Variants in CTNNA3 observed in about 807,000 individuals in gnomAD.
CTNNA3 encodes catenin alpha-3.
Under a neutral mutation model 95.7 loss-of-function variants are expected in CTNNA3, and 76 were observed. The observed-to-expected ratio is 0.79, with a 90% CI of 0.66 to 0.96. The LOEUF (loss-of-function observed/expected upper bound fraction) is 0.96, where lower values mean the gene tolerates loss of function less well. CTNNA3 is among the 40% of genes least tolerant of loss of function. The pLI is 0.00. For missense variants in CTNNA3, 1,191 were observed against 1,089.8 expected (o/e 1.09, Z -1.31); for synonymous variants, 431 against 374.4 (o/e 1.15, Z -1.74).
intron 5 of CTNNA3, among the ~76,000 whole-genome samples, chr10:67,253,670 C>T (rs1056567502): frequency 2.0e-5 from 3 of 152,104 alleles, no homozygotes; most frequent in Admixed American, 6.6e-5. Context: ...AGGAGGTAAC[C>T]GGCAATGCCA....
intron 13 of CTNNA3, among the ~76,000 whole-genome samples, chr10:66,166,818 G>A (rs1444328057): frequency 6.6e-6 from 1 of 152,212 alleles, no homozygotes; most frequent in East Asian, 1.9e-4. Context: ...TAGTATGATG[G>A]CAGAAAAAGA....
At chr10:67,720,679 C>T (rs1012173835) in intron 1 of CTNNA3, among the ~76,000 whole-genome samples, 2 of 151,988 alleles carry the variant, frequency 1.3e-5, no homozygotes, top group African/African-American at 4.8e-5. Flanking sequence ...GTTAGCTGGG[C>T]ATGGTGGCTC....
At chr10:67,477,184 T>C (rs976133570) in intron 5 of CTNNA3, among the ~76,000 whole-genome samples, 3 of 151,592 alleles carry the variant, frequency 2.0e-5, no homozygotes, top group East Asian at 1.9e-4. Flanking sequence ...GCTCCCTCTC[T>C]CCCTGTGCAG....
chr10:66,810,438 A>T (rs1309886844), intron 7 of CTNNA3, among the ~76,000 whole-genome samples: 1 of 152,108 alleles, frequency 6.6e-6, no homozygotes, highest in African/African-American at 2.4e-5. Flanking sequence ...TGAACCCCAC[A>T]TCCAATCTGT....
chr10:66,296,507 G>A (rs2091778847), intron 12 of CTNNA3, among the ~76,000 whole-genome samples: 1 of 151,694 alleles, frequency 6.6e-6, no homozygotes, highest in Admixed American at 6.6e-5. Context: ...TTTAAAAATA[G>A]CCAAGGTTAG....
intron 5 of CTNNA3, among the ~76,000 whole-genome samples, chr10:67,481,740 C>A (rs1848237846): frequency 6.6e-6 from 1 of 152,150 alleles, no homozygotes. Context: ...TGTGCAGAAG[C>A]TCTTTAGTTT....
intron 7 of CTNNA3, among the ~76,000 whole-genome samples, chr10:66,896,104 AT>A (rs1845481141): frequency 6.6e-6 from 1 of 152,086 alleles, no homozygotes; most frequent in South Asian, 2.1e-4. Context: ...TCTCAAAAAA[AT>A]ATAAAATAAA....
chr10:66,358,935 A>T (rs1169362515), intron 12 of CTNNA3, among the ~76,000 whole-genome samples: 2 of 152,074 alleles, frequency 1.3e-5, no homozygotes, highest in Non-Finnish European at 2.9e-5. Flanking sequence ...GCCCCTATTC[A>T]TTTTGTTCCT....
intron 1 of CTNNA3, among the ~76,000 whole-genome samples, chr10:67,681,414 G>A (rs10997775): frequency 0.12 from 18,585 of 151,746 alleles, 1,277 homozygotes; most frequent in Non-Finnish European, 0.16. Flanking sequence ...CAAATTATCA[G>A]GAAAAAAGGT....
At chr10:66,094,521 G>C (rs183069053) in intron 14 of CTNNA3, among the ~76,000 whole-genome samples, 1 of 152,098 alleles carries the variant, frequency 6.6e-6, no homozygotes, top group Non-Finnish European at 1.5e-5. Flanking sequence ...CTAGGTGAGA[G>C]GTGCCGGTGC....
chr10:67,204,571 C>G (rs1259050399), intron 6 of CTNNA3, among the ~76,000 whole-genome samples: 1 of 152,114 alleles, frequency 6.6e-6, no homozygotes, highest in Non-Finnish European at 1.5e-5. Flanking sequence ...CAAGAACAGA[C>G]TAATACAGCT....
intron 11 of CTNNA3, among the ~76,000 whole-genome samples, chr10:66,490,561 G>A (rs1200092623): frequency 2.0e-5 from 3 of 152,206 alleles, no homozygotes; most frequent in African/African-American, 4.8e-5. Flanking sequence ...ATTTATATAA[G>A]TTCATGAACC....
chr10:66,061,622 A>T (rs2080200961), intron 15 of CTNNA3, among the ~76,000 whole-genome samples: 1 of 151,618 alleles, frequency 6.6e-6, no homozygotes, highest in South Asian at 2.1e-4. Context: ...ATAACCTATC[A>T]CTTTCTTCAT....
intron 16 of CTNNA3, among the ~76,000 whole-genome samples, chr10:65,975,304 G>A (rs1415867864): frequency 1.3e-5 from 2 of 151,896 alleles, no homozygotes; most frequent in African/African-American, 4.8e-5. Context: ...AAGCAAATGA[G>A]GGTTATCCCT....
At chr10:67,511,565 A>T (rs989712700) in intron 5 of CTNNA3, among the ~76,000 whole-genome samples, 1 of 152,190 alleles carries the variant, frequency 6.6e-6, no homozygotes, top group East Asian at 1.9e-4. Flanking sequence ...GTGGTGGCCA[A>T]GCTTTTTGAT....
intron 5 of CTNNA3, among the ~76,000 whole-genome samples, chr10:67,468,298 G>A (rs974552316): frequency 6.6e-6 from 1 of 152,006 alleles, no homozygotes; most frequent in African/African-American, 2.4e-5. Context: ...GGAGGCTGAC[G>A]GGGGAGGATT....
Position 66,937,073 on chromosome 10 carries a change from T to C in CTNNA3, c.1048-161549A>G, listed in dbSNP as rs565717468. ...GGTAAATAATCCATGTTTCATTCAA[T>C]AAACTATATTTGAGAATTTTTTTTT... On this transcript the variant is annotated intron_variant, in intron 7 of 17. Transcript: ENST00000433211. Among the ~76,000 whole-genome samples, 22 of 152,268 alleles carry C rather than the reference T, an allele frequency of 1.4e-4. No homozygotes were observed. The South Asian group carries it at 4.3e-3, about 30-fold the overall frequency.
chr10:67,570,253 C>A (rs147130485), intron 3 of CTNNA3, among the ~76,000 whole-genome samples: 1 of 152,090 alleles, frequency 6.6e-6, no homozygotes, highest in East Asian at 1.9e-4. Context: ...CTTTCTCTTT[C>A]CTCATTGACT....
intron 3 of CTNNA3, among the ~76,000 whole-genome samples, chr10:67,581,693 CT>C (rs1045381835): frequency 2.6e-5 from 4 of 152,064 alleles, no homozygotes; most frequent in East Asian, 1.9e-4. Context: ...TGGTCCTGGA[CT>C]TTTTTTGTTT....
Sources: gnomAD v4.1 joint callset for allele counts (sites outside exome capture counted in the v4.1 genomes callset) on GRCh38, gnomAD v4.1.1 for gene constraint, MANE v1.5 for transcripts, NCBI Gene and HGNC (gene_info 2026-07-23, HGNC 2026-07-21) for gene names.